GLIS1: variants seen among roughly 807,000 people sequenced by gnomAD.
GLIS1 encodes the protein zinc finger protein GLIS1.
Under a neutral mutation model 63.8 loss-of-function variants are expected in GLIS1, and 24 were observed. That is an observed-to-expected ratio of 0.38 (90% CI 0.27 to 0.53). GLIS1 has a LOEUF of 0.53. Among genes scored for constraint, GLIS1 ranks in the 20% least tolerant of loss-of-function variants. GLIS1 has a pLI of 0.85. For synonymous variants in GLIS1, 450 were observed against 482.5 expected (o/e 0.93, Z 0.88); for missense variants, 1,036 against 1,074.1 (o/e 0.96, Z 0.50).
At chr1:53,543,771 C>T (rs932005201) in intron 4 of GLIS1, among the ~76,000 whole-genome samples, 1 of 152,004 alleles carries the variant, frequency 6.6e-6, no homozygotes, top group South Asian at 2.1e-4. Flanking sequence ...CCACCCCTCA[C>T]CTGCATCTCG....
In GLIS1 at chr1:53,526,381, A is replaced by G. The variant is rs2100318546; in HGVS notation, c.1483-1494T>C. ...GCCATGGAGAGTTGCCAGATTAAAG[A>G]AACGGAGGAGAGCAAAAAGAGAGAG... On this transcript the variant is annotated intron_variant, in intron 5 of 10. Coordinates refer to ENST00000628545, the MANE Select transcript of GLIS1 (RefSeq NM_001367484.1). The surrounding 1 kb of genome is among the most constrained non-coding windows in gnomAD (Gnocchi z 4.4). Among the ~76,000 whole-genome samples the G allele has an allele frequency of 6.6e-6, 1 of 152,332 alleles. No individual in the cohort carries two copies. The highest frequency in any genetic ancestry group is 2.1e-4 in the South Asian group (1 of 4,830).
At position 53,564,770 on chromosome 1, in the gene GLIS1, T is replaced by C. The variant is rs115638350; in HGVS notation, c.1320+29338A>G. Among the ~76,000 whole-genome samples, 209 of 152,216 alleles carry C rather than the reference T, an allele frequency of 1.4e-3. 1 individual carries two copies. Among genetic ancestry groups the C allele is most frequent in the African/African-American group, 4.9e-3 (202 of 41,588 alleles). ...TAGGGATAGATTGATTATCTAATAA[T>C]AAAAGTTTTCATTTTATAGAAACCT... On this transcript the variant is annotated intron_variant, in intron 4 of 10. Transcript: ENST00000628545.
chr1:53,571,903 T>G (rs56243226), intron 4 of GLIS1, among the ~76,000 whole-genome samples: 1 of 151,942 alleles, frequency 6.6e-6, no homozygotes, highest in Non-Finnish European at 1.5e-5. Context: ...TAATATTAAG[T>G]GAAAAAACTG....
intron 2 of GLIS1, among the ~76,000 whole-genome samples, chr1:53,605,373 G>A (rs147692352): frequency 6.6e-6 from 1 of 152,116 alleles, no homozygotes; most frequent in Non-Finnish European, 1.5e-5. Flanking sequence ...TGGGCCCTCA[G>A]AGCCCAGCAG....
intron 4 of GLIS1, among the ~76,000 whole-genome samples, chr1:53,533,266 C>T (rs558897882): frequency 6.6e-6 from 1 of 152,206 alleles, no homozygotes; most frequent in Admixed American, 6.5e-5. Context: ...GCCTTCTCCC[C>T]ATGCCTCCAG....
In GLIS1 at chr1:53,520,616, GC is replaced by G; in HGVS notation, c.1726+17del. ...CCTCCTGGGCTACGCCCCTGGCCCTGCCTCCCCGCACACGTACCTGGGAGCA... is the reference window on the plus strand; with the variant it reads ...CCTCCTGGGCTACGCCCCTGGCCCTGCTCCCCGCACACGTACCTGGGAGCA... On this transcript the variant is annotated intron_variant, in intron 7 of 10. Coordinates refer to ENST00000628545, the MANE Select transcript of GLIS1 (RefSeq NM_001367484.1). 1 of 1,594,852 alleles carries G rather than the reference GC, an allele frequency of 6.3e-7. No homozygotes were observed.
Position 53,598,581 on chromosome 1 carries a change from G to A in GLIS1, c.437+1520C>T, listed in dbSNP as rs1032637852. 2.6e-5 allele frequency among the ~76,000 whole-genome samples: 4 copies of A among 151,908 alleles called. No homozygotes were observed. Among genetic ancestry groups the A allele is most frequent in the African/African-American group, 7.3e-5 (3 of 41,312 alleles). On this transcript the variant is annotated intron_variant, in intron 3 of 10. Transcript: ENST00000628545. The surrounding 1 kb of genome is among the most constrained non-coding windows in gnomAD (Gnocchi z 4.6). ...AGGGCACAGGCCGAGGGATGGCCACGTGAGTACTCAGCGACAAGGCGGTCA... is the reference window on the plus strand; with the variant it reads ...AGGGCACAGGCCGAGGGATGGCCACATGAGTACTCAGCGACAAGGCGGTCA...
intron 2 of GLIS1, among the ~76,000 whole-genome samples, chr1:53,674,250 T>C (rs1023148093): frequency 1.4e-5 from 2 of 147,900 alleles, no homozygotes; most frequent in African/African-American, 2.5e-5. Flanking sequence ...TGTGTGAGAG[T>C]GGCTTTGATC....
intron 4 of GLIS1, among the ~76,000 whole-genome samples, chr1:53,558,294 A>G (rs1372247356): frequency 1.3e-5 from 2 of 152,186 alleles, no homozygotes; most frequent in Non-Finnish European, 2.9e-5. Flanking sequence ...CCAGGGCTTT[A>G]GTCCCCTGCT....
At chr1:53,524,694 A>C (rs1644446188) in intron 6 of GLIS1, 83 bp downstream of exon 6, 2 of 900,602 alleles carry the variant, frequency 2.2e-6, no homozygotes, top group African/African-American at 3.3e-5. Flanking sequence ...GGGCAGATGC[A>C]TGTGTTGAGG....
At position 53,506,780 on chromosome 1, in the gene GLIS1, T is replaced by G; in HGVS notation, c.2231-4A>C. ...GCCTCAGCCAGGGCCTCATAGCCTG[T>G]GAGTGGTTGGGAAAGGGTCAGCGCT... On this transcript the variant is annotated splice_polypyrimidine_tract_variant and splice_region_variant and intron_variant, in intron 10 of 10. Coordinates refer to ENST00000628545, the MANE Select transcript of GLIS1 (RefSeq NM_001367484.1). The G allele has an allele frequency of 6.2e-7, 1 of 1,607,894 alleles. No individual in the cohort carries two copies. Among genetic ancestry groups the G allele is most frequent in the Non-Finnish European group, 8.5e-7 (1 of 1,179,580 alleles).
intron 2 of GLIS1, among the ~76,000 whole-genome samples, chr1:53,720,503 G>C (rs9804041): frequency 0.015 from 2,347 of 152,048 alleles, 58 homozygotes; most frequent in African/African-American, 0.05. Context: ...GAAAGGGTGA[G>C]GGAAGGAAAA....
intron 2 of GLIS1, among the ~76,000 whole-genome samples, chr1:53,655,316 G>A (rs146290210): frequency 1.7e-4 from 26 of 152,260 alleles, no homozygotes; most frequent in African/African-American, 5.5e-4. Context: ...TGCTCTAGAC[G>A]AGTTGTCTCC....
intron 2 of GLIS1, among the ~76,000 whole-genome samples, chr1:53,604,932 G>GTGTATA (rs1301665234): frequency 6.3e-4 from 23 of 36,260 alleles, no homozygotes; most frequent in African/African-American, 8.1e-4. Flanking sequence ...GTGTGTGTGT[G>GTGTATA]TATATATATA....
intron 2 of GLIS1, chr1:53,734,028 C>T (rs1570119182): frequency 1.0e-6 from 1 of 985,290 alleles, no homozygotes; most frequent in Non-Finnish European, 1.2e-6. Context: ...TCCACCGCCC[C>T]CACTCCGAGT....
intron 4 of GLIS1, among the ~76,000 whole-genome samples, chr1:53,573,191 G>A (rs1644999901): frequency 1.3e-5 from 2 of 152,296 alleles, no homozygotes; most frequent in African/African-American, 4.8e-5. Context: ...TTACCAAGTG[G>A]CAGGCCAGCC....
chr1:53,699,222 G>A (rs375010426), intron 2 of GLIS1, among the ~76,000 whole-genome samples: 4 of 151,862 alleles, frequency 2.6e-5, no homozygotes, highest in South Asian at 2.1e-4. Flanking sequence ...GCACCAACAC[G>A]TCCAGCTAAT....
chr1:53,603,504 A>T (rs1311847132), intron 2 of GLIS1, among the ~76,000 whole-genome samples: 1 of 152,224 alleles, frequency 6.6e-6, no homozygotes, highest in Non-Finnish European at 1.5e-5. Flanking sequence ...GGGGACTCTC[A>T]TCGCTACCCA....
chr1:53,594,813 G>T lies in GLIS1; in HGVS notation c.615C>A (p.Ser205Arg). The T allele has an allele frequency of 6.2e-7, 1 of 1,606,470 alleles. No homozygotes were observed. The highest frequency in any genetic ancestry group is 1.3e-5 in the African/African-American group (1 of 74,994). Residue 205 changes from serine (S) to arginine (R), a missense_variant, in exon 4 of 11, where the codon AGC becomes AGA. By Grantham distance (110) the Ser-to-Arg change is moderately radical (BLOSUM62 -1). Coordinates refer to ENST00000628545, the MANE Select transcript of GLIS1 (RefSeq NM_001367484.1). The stretch of plus-strand genomic sequence containing the variant: ...AGCAGGAAGGCGCAGGGGTGGCGAG[G>T]CTTCGGCCCGGGAGGTCCAGGTCTG... ...LHPDLDLPGR[S>R]LATPAPSCYL...
Sources: gnomAD v4.1 joint callset for allele counts (sites outside exome capture counted in the v4.1 genomes callset) on GRCh38, gnomAD v4.1.1 for gene constraint, Gnocchi (gnomAD v3.1) non-coding constraint, MANE v1.5 for transcripts, NCBI Gene and HGNC (gene_info 2026-07-23, HGNC 2026-07-21) for gene names.